PTPN13: variants seen among roughly 807,000 people sequenced by gnomAD.
The protein encoded by PTPN13 is protein tyrosine phosphatase non-receptor type 13.
In PTPN13, 191 loss-of-function variants were observed where a neutral mutation model predicts 284.0. The ratio of observed to expected loss-of-function variants is 0.67; its 90% CI spans 0.60 to 0.76. The LOEUF (loss-of-function observed/expected upper bound fraction) is 0.76, where lower values mean the gene tolerates loss of function less well. Among genes scored for constraint, PTPN13 ranks in the 30% least tolerant of loss-of-function variants. The probability of loss-of-function intolerance (pLI) is 0.00; values close to 1 mark genes in which losing one functional copy is unlikely to be tolerated. For synonymous variants in PTPN13, 986 were observed against 1,022.3 expected (o/e 0.96, Z 0.68); for missense variants, 2,797 against 2,939.9 (o/e 0.95, Z 1.12).
intron 2 of PTPN13, among the ~76,000 whole-genome samples, chr4:86,655,357 C>T (rs189414867): frequency 1.8e-4 from 28 of 152,244 alleles, no homozygotes; most frequent in African/African-American, 5.3e-4. Context: ...TACAATTTGG[C>T]ATGTTTTTGC....
chr4:86,688,911 T>C, intron 4 of PTPN13, 94 bp from the exon 5 acceptor site: 9 of 949,620 alleles, frequency 9.5e-6, no homozygotes, highest in Non-Finnish European at 1.4e-5. Flanking sequence ...AAGTGTGTTT[T>C]AGTGTGGTTC....
At chr4:86,733,116 A>C (rs1369388327) in intron 12 of PTPN13, among the ~76,000 whole-genome samples, 1 of 152,118 alleles carries the variant, frequency 6.6e-6, no homozygotes, top group Non-Finnish European at 1.5e-5. Flanking sequence ...GCAAGACCTT[A>C]TTTCTGAATT....
At chr4:86,634,052 G>A (rs998786799) in intron 1 of PTPN13, among the ~76,000 whole-genome samples, 3 of 152,152 alleles carry the variant, frequency 2.0e-5, no homozygotes, top group African/African-American at 7.2e-5. Context: ...GAAAGGACAA[G>A]ACTGGCCTCA....
At chr4:86,626,783 A>G (rs1565175064) in intron 1 of PTPN13, among the ~76,000 whole-genome samples, 1 of 152,132 alleles carries the variant, frequency 6.6e-6, no homozygotes, top group Admixed American at 6.6e-5. Flanking sequence ...TTAGGGGAAT[A>G]AAAAGTTATA....
chr4:86,712,941 A>G (rs1173652605), intron 7 of PTPN13, among the ~76,000 whole-genome samples: 3 of 152,112 alleles, frequency 2.0e-5, no homozygotes, highest in African/African-American at 4.8e-5. Flanking sequence ...GTGAAACAAT[A>G]TAAGAACAAT....
At chr4:86,724,172 TAA>T (rs1198642318) in intron 10 of PTPN13, among the ~76,000 whole-genome samples, 1 of 152,216 alleles carries the variant, frequency 6.6e-6, no homozygotes, top group Non-Finnish European at 1.5e-5. Flanking sequence ...ATCCAATTTT[TAA>T]AGTTTTTAGA....
chr4:86,686,528 T>A (rs1367881408), intron 3 of PTPN13, among the ~76,000 whole-genome samples, 182 bp from the exon 4 acceptor site: 1 of 152,252 alleles, frequency 6.6e-6, no homozygotes, highest in Non-Finnish European at 1.5e-5. Context: ...TCTGTTGTAA[T>A]AATTTCCAGT....
chr4:86,739,219 G>A (rs532025753), intron 15 of PTPN13, among the ~76,000 whole-genome samples: 2 of 152,254 alleles, frequency 1.3e-5, no homozygotes, highest in South Asian at 4.1e-4. Context: ...TGGATATACA[G>A]TTGTCCCAGT....
At chr4:86,781,352 A>T (rs1028705944) in intron 36 of PTPN13, among the ~76,000 whole-genome samples, 1 of 152,170 alleles carries the variant, frequency 6.6e-6, no homozygotes, top group Non-Finnish European at 1.5e-5. Flanking sequence ...GTTATATTTA[A>T]ATATGTGATG....
chr4:86,702,917 A>G (rs182976981), intron 7 of PTPN13, among the ~76,000 whole-genome samples: 23 of 152,212 alleles, frequency 1.5e-4, no homozygotes, highest in African/African-American at 5.3e-4. Flanking sequence ...TCGTTATTCT[A>G]GTGTAATATT....
At position 86,722,341 on chromosome 4, in the gene PTPN13, A is replaced by C; in HGVS notation, c.1515A>C (p.Pro505=). 1.9e-6 allele frequency: 3 copies of C among 1,613,854 alleles called. No homozygotes were observed. Among genetic ancestry groups the C allele is most frequent in the Non-Finnish European group, 2.5e-6 (3 of 1,179,824 alleles). ...GACAGTCTCGGTTGAGCCTATATCC[A>C]GGAGACACAATCAAAGCGTCCATGC... ...ALRQSRLSLY[P]GDTIKASMLD... The change falls in exon 10 of 48, where the codon CCA becomes CCC. Residue 505 remains proline (P), a synonymous_variant. Coordinates refer to ENST00000411767, the MANE Select transcript of PTPN13 (RefSeq NM_080683.3).
At chr4:86,782,481 A>G (rs1278041426) in intron 37 of PTPN13, among the ~76,000 whole-genome samples, 1 of 152,222 alleles carries the variant, frequency 6.6e-6, no homozygotes, top group Non-Finnish European at 1.5e-5. Flanking sequence ...GCACACACTC[A>G]GCTTTTAAAT....
At position 86,722,287 on chromosome 4, in the gene PTPN13, G is replaced by A. The variant is rs1191932824; in HGVS notation, c.1461G>A (p.Leu487=). 1.2e-6 allele frequency: 2 copies of A among 1,613,606 alleles called. No individual in the cohort carries two copies. The highest frequency in any genetic ancestry group is 1.7e-6 in the Non-Finnish European group (2 of 1,179,812). Residue 487 remains leucine (L), a synonymous_variant, in exon 10 of 48, where the codon CTG becomes CTA. Transcript: ENST00000411767. ...EIMLKRQEEE[L]MQLQAKMALR... ...TGCTAAAACGGCAAGAGGAAGAACT[G>A]ATGCAGCTACAAGCCAAAATGGCCC...
At chr4:86,668,589 G>A (rs2148879109) in intron 2 of PTPN13, among the ~76,000 whole-genome samples, 1 of 151,472 alleles carries the variant, frequency 6.6e-6, no homozygotes, top group Admixed American at 6.6e-5. Context: ...TCTCATTTTT[G>A]TTTTCTTTCT....
chr4:86,790,536 G>A (rs1378684104), intron 40 of PTPN13, among the ~76,000 whole-genome samples: 2 of 152,000 alleles, frequency 1.3e-5, no homozygotes, highest in Non-Finnish European at 2.9e-5. Context: ...GTTTTTAAGT[G>A]CCACACACAC....
intron 38 of PTPN13, among the ~76,000 whole-genome samples, 199 bp downstream of exon 38, chr4:86,784,757 T>C (rs1382493894): frequency 6.6e-6 from 1 of 152,140 alleles, no homozygotes; most frequent in East Asian, 1.9e-4. Flanking sequence ...TTTTTTTAAA[T>C]GATTGAAAAG....
chr4:86,658,922 A>G (rs1158086626), intron 2 of PTPN13, among the ~76,000 whole-genome samples: 2 of 152,200 alleles, frequency 1.3e-5, no homozygotes, highest in African/African-American at 4.8e-5. Flanking sequence ...ATTATCTACA[A>G]AGAAAAAGGA....
At chr4:86,707,263 T>C (rs910009429) in intron 7 of PTPN13, among the ~76,000 whole-genome samples, 12 of 152,220 alleles carry the variant, frequency 7.9e-5, no homozygotes, top group African/African-American at 2.4e-4. Flanking sequence ...AACTAATTTC[T>C]ACAAAAGTGG....
chr4:86,719,855 T>A (rs991875982), intron 9 of PTPN13, among the ~76,000 whole-genome samples: 3 of 152,220 alleles, frequency 2.0e-5, no homozygotes, highest in African/African-American at 7.2e-5. Context: ...TCCCTGTAGA[T>A]GCTGGGTATT....
Sources: gnomAD v4.1 joint callset for allele counts (sites outside exome capture counted in the v4.1 genomes callset) on GRCh38, gnomAD v4.1.1 for gene constraint, MANE v1.5 for transcripts, NCBI Gene and HGNC (gene_info 2026-07-23, HGNC 2026-07-21) for gene names.